CLMN: variants seen among roughly 807,000 people sequenced by gnomAD.
CLMN encodes calmin, also known as calmin (calponin-like, transmembrane).
Under a neutral mutation model 92.7 loss-of-function variants are expected in CLMN, and 57 were observed. That is an observed-to-expected ratio of 0.61 (90% CI 0.50 to 0.77). The LOEUF (loss-of-function observed/expected upper bound fraction) is 0.77. Among genes scored for constraint, CLMN ranks in the 30% least tolerant of loss-of-function variants. The pLI is 0.00. For missense variants in CLMN, 1,158 were observed against 1,237.5 expected, an observed-to-expected ratio of 0.94 and a Z score of 0.96; for synonymous variants, 466 against 470.6, an observed-to-expected ratio of 0.99 and a Z score of 0.13.
intron 9 of CLMN, among the ~76,000 whole-genome samples, chr14:95,197,606 G>C (rs994001136): frequency 6.6e-6 from 1 of 152,162 alleles, no homozygotes; most frequent in Non-Finnish European, 1.5e-5. Context: ...TCTTCACTGT[G>C]CCTTTGGCCA....
chr14:95,317,239 C>G (rs1031902450), intron 1 of CLMN, among the ~76,000 whole-genome samples: 1 of 152,032 alleles, frequency 6.6e-6, no homozygotes, highest in African/African-American at 2.4e-5. Flanking sequence ...ACCACAGGAG[C>G]AAGGAGAGAA....
At chr14:95,281,085 C>A (rs1279384250) in intron 1 of CLMN, among the ~76,000 whole-genome samples, 1 of 152,102 alleles carries the variant, frequency 6.6e-6, no homozygotes, top group Non-Finnish European at 1.5e-5. Flanking sequence ...TCATAAATAC[C>A]AGGCAAAACA....
At chr14:95,279,852 A>C (rs1464819443) in intron 1 of CLMN, among the ~76,000 whole-genome samples, 8 of 152,270 alleles carry the variant, frequency 5.3e-5, no homozygotes, top group Non-Finnish European at 1.0e-4. Flanking sequence ...AAAGTTGCTA[A>C]GAGTTAACAC....
At position 95,189,038 on chromosome 14, in the gene CLMN, G is replaced by A. The variant is rs1896502297; in HGVS notation, c.*2526C>T. 6.6e-6 allele frequency: 1 copy of A among 151,804 alleles called. No individual in the cohort carries two copies. The highest frequency in any genetic ancestry group is 1.5e-5 in the Non-Finnish European group (1 of 67,992). The allele number at this position is 151,804 out of a possible 1,614,324, so 9.4% of individuals were successfully genotyped here. On this transcript the variant is annotated 3_prime_UTR_variant, in exon 13 of 13. Coordinates refer to ENST00000298912, the MANE Select transcript of CLMN (RefSeq NM_024734.4). Reference sequence around the variant, plus strand: ...AGCAAATTAATGGGGACATTTGGAGGAGAAAGGACATGTAACCATAACACA... The same window carrying A: ...AGCAAATTAATGGGGACATTTGGAGAAGAAAGGACATGTAACCATAACACA...
intron 12 of CLMN, chr14:95,192,046 G>A (rs903390719): frequency 1.3e-5 from 3 of 232,206 alleles, no homozygotes; most frequent in Non-Finnish European, 2.5e-5. Flanking sequence ...CCAAGGCCAT[G>A]CAATTAACTT....
chr14:95,193,718 T>C, intron 12 of CLMN, 131 bp downstream of exon 12: 1 of 1,128,784 alleles, frequency 8.9e-7, no homozygotes, highest in Non-Finnish European at 1.3e-6. Context: ...AGTTATTTTC[T>C]TGCATTATCC....
At chr14:95,214,500 C>G (rs1273196667) in intron 5 of CLMN, among the ~76,000 whole-genome samples, 4 of 152,020 alleles carry the variant, frequency 2.6e-5, no homozygotes, top group Non-Finnish European at 5.9e-5. Context: ...CAGGCACACA[C>G]CACCATGCCT....
At chr14:95,255,945 C>T (rs1898982177) in intron 1 of CLMN, among the ~76,000 whole-genome samples, 1 of 152,168 alleles carries the variant, frequency 6.6e-6, no homozygotes, top group Non-Finnish European at 1.5e-5. Flanking sequence ...ACTGACAGTA[C>T]TAGTATAAGC....
intron 4 of CLMN, among the ~76,000 whole-genome samples, chr14:95,216,293 T>G (rs1897343347): frequency 6.6e-6 from 1 of 152,198 alleles, no homozygotes; most frequent in African/African-American, 2.4e-5. Flanking sequence ...CTCCCCCGAT[T>G]CAATGACCTC....
chr14:95,319,629 C>CG (rs1363949830), intron 1 of CLMN, 82 bp downstream of exon 1: 5 of 1,131,282 alleles, frequency 4.4e-6, no homozygotes, highest in African/African-American at 1.6e-5. Context: ...GGGGGCGGCG[C>CG]GGGGGAGTTG....
chr14:95,249,041 T>G (rs918402067), intron 1 of CLMN, among the ~76,000 whole-genome samples: 1 of 151,920 alleles, frequency 6.6e-6, no homozygotes, highest in Non-Finnish European at 1.5e-5. Context: ...TAGAACAAAA[T>G]TGAAAATTAC....
chr14:95,207,921 G>C (rs1897090955), intron 8 of CLMN, among the ~76,000 whole-genome samples: 1 of 152,218 alleles, frequency 6.6e-6, no homozygotes, highest in South Asian at 2.1e-4. Context: ...TGGAAACACA[G>C]AGGGTCCAAA....
rs1257628906 is a variant in CLMN, at chr14:95,189,778, A to G, written c.*1786T>C. On this transcript the variant is annotated 3_prime_UTR_variant, in exon 13 of 13. Transcript: ENST00000298912. Reference sequence around the variant, plus strand: ...GAGCTCATTAATTAGCTCATTTTCCATGGGGCTCTTGGCCTTCCAGATGGA... The same window carrying G: ...GAGCTCATTAATTAGCTCATTTTCCGTGGGGCTCTTGGCCTTCCAGATGGA... 6.6e-6 allele frequency: 1 copy of G among 152,140 alleles called. No homozygotes were observed. The highest frequency in any genetic ancestry group is 1.5e-5 in the Non-Finnish European group (1 of 68,012). 9.4% of individuals were successfully genotyped at this position (152,140 alleles called of 1,614,324 possible).
chr14:95,313,853 A>AT (rs1366350532), intron 1 of CLMN, among the ~76,000 whole-genome samples: 6 of 152,244 alleles, frequency 3.9e-5, no homozygotes, highest in Non-Finnish European at 7.3e-5. Context: ...ATTAAATGCC[A>AT]GAGTGTTCCA....
At chr14:95,245,083 C>A (rs1307639737) in intron 1 of CLMN, among the ~76,000 whole-genome samples, 1 of 117,036 alleles carries the variant, frequency 8.5e-6, no homozygotes, top group Non-Finnish European at 1.7e-5. Context: ...AATATTTGGG[C>A]CACATTCTCA....
chr14:95,229,246 A>T (rs964643443), intron 2 of CLMN, among the ~76,000 whole-genome samples: 3 of 152,070 alleles, frequency 2.0e-5, no homozygotes, highest in Admixed American at 2.0e-4. Flanking sequence ...GCCTGCTCCC[A>T]TCCCCCTTCT....
rs533683877 is a variant in CLMN, at chr14:95,284,361, C to T, written c.82+35350G>A. 4.6e-5 allele frequency among the ~76,000 whole-genome samples: 7 copies of T among 152,336 alleles called. No homozygotes were observed. In the South Asian group the frequency reaches 6.2e-4, roughly 14 times the overall value. On this transcript the variant is annotated intron_variant, in intron 1 of 12. Transcript: ENST00000298912. ...GCAGAAGGGAAATGTGGGGTCAGAG[C>T]CCCCATACAGAGTCCCTACTGGGGC...
rs1896457664 is a variant in CLMN, at chr14:95,187,053, T to G, written c.*4511A>C. ...AAGCAGAGCTTAGCCATGCTATGTA[T>G]CCCTCTCCTGCACTTGGCACAGCAT... On this transcript the variant is annotated 3_prime_UTR_variant, in exon 13 of 13. Transcript: ENST00000298912. The G allele has an allele frequency of 6.6e-6, 1 of 152,102 alleles. No individual in the cohort carries two copies. Among genetic ancestry groups the G allele is most frequent in the African/African-American group, 2.4e-5 (1 of 41,340 alleles). 9.4% of individuals were successfully genotyped at this position (152,102 alleles called of 1,614,324 possible).
chr14:95,284,981 G>A (rs570482794), intron 1 of CLMN, among the ~76,000 whole-genome samples: 1 of 152,146 alleles, frequency 6.6e-6, no homozygotes, highest in Non-Finnish European at 1.5e-5. Flanking sequence ...TACTTGAATT[G>A]TATCTCCGAG....
Sources: gnomAD v4.1 joint callset for allele counts (sites outside exome capture counted in the v4.1 genomes callset) on GRCh38, gnomAD v4.1.1 for gene constraint, MANE v1.5 for transcripts, NCBI Gene and HGNC (gene_info 2026-07-23, HGNC 2026-07-21) for gene names.